MILR1: variants seen among roughly 807,000 people sequenced by gnomAD.
MILR1 encodes mast cell immunoglobulin like receptor 1, also known as allergin-1.
A neutral mutation model predicts 18.5 loss-of-function variants in MILR1; 31 were observed. The observed-to-expected ratio is 1.68, with a 90% CI of 1.26 to 2.26. The LOEUF (loss-of-function observed/expected upper bound fraction) is 2.26. Ranked by LOEUF, MILR1 falls within the 30% of genes most tolerant of loss-of-function variation. The pLI, the probability that MILR1 is intolerant of heterozygous loss-of-function variation, is 0.00. For missense variants in MILR1, 257 were observed against 157.4 expected (o/e 1.63, Z -3.38); for synonymous variants, 85 against 56.2 (o/e 1.51, Z -2.30).
At chr17:64,472,631 T>A (rs1555664818), downstream of MILR1, among the ~76,000 whole-genome samples, 1 of 152,076 alleles carries the variant, frequency 6.6e-6, no homozygotes, top group African/African-American at 2.4e-5. Context: ...TTAGACACAT[T>A]TAGATACACA....
chr17:64,460,860 C>A lies in MILR1; in HGVS notation c.691C>A (p.Pro231Thr). ...SCPFCLKLLLPGLLLLLVVII... is the reference protein window; with the variant it reads ...SCPFCLKLLLTGLLLLLVVII... ...TCCTTTCTGTCTGAAGCTACTACTT[C>A]CAGGGTTATTACTGTTGCTGGTGGT... is the stretch of plus-strand genomic sequence containing the variant. The change falls in exon 5 of 10, where the codon CCA (proline) becomes ACA (threonine). Residue 231 changes from proline (P) to threonine (T), a missense_variant. By Grantham distance (38) the Pro-to-Thr change is conservative (BLOSUM62 -1). Transcript: ENST00000619286. The A allele has an allele frequency of 2.1e-6, 1 of 475,276 alleles. No individual in the cohort carries two copies. Among genetic ancestry groups the A allele is most frequent in the South Asian group, 6.7e-5 (1 of 14,872 alleles). The allele number at this position is 475,276 out of a possible 1,614,324, so 29.4% of individuals were successfully genotyped here.
At chr17:64,496,524 A>C in the MILR1 span, 1 of 1,613,734 alleles carries the variant, frequency 6.2e-7, no homozygotes, top group Non-Finnish European at 8.5e-7. Flanking sequence ...GTTTCTGCAG[A>C]AACTAACCTG....
intron 4 of MILR1, among the ~76,000 whole-genome samples, chr17:64,459,983 TTTA>T (rs1487592388): frequency 2.2e-5 from 3 of 136,172 alleles, no homozygotes; most frequent in African/African-American, 8.2e-5. Context: ...TTATTTTTAT[TTTA>T]TTTTATTTTA....
the MILR1 span, among the ~76,000 whole-genome samples, chr17:64,483,721 CTTTTTTT>C: frequency 2.2e-5 from 3 of 137,296 alleles, no homozygotes; most frequent in Non-Finnish European, 4.8e-5. Flanking sequence ...ATGAAATTTG[CTTTTTTT>C]TTTTTTTTAA....
In MILR1 at chr17:64,452,622, A is replaced by G. The variant is rs1339106584; in HGVS notation, c.123A>G (p.Ser41=). ...AATTCCCTTCTCCATGTTTGGACTC[A>G]AAGACTAAGGTGGTTATGAAGGGTC... ...TNEFPSPCLD[S]KTKVVMKGQN... Residue 41 remains serine (S), a synonymous_variant, in exon 3 of 10, where the codon TCA becomes TCG. Coordinates refer to ENST00000619286, the MANE Select transcript of MILR1 (RefSeq NM_001085423.2). 2.3e-6 allele frequency: 1 copy of G among 426,736 alleles called. No individual in the cohort carries two copies. Among genetic ancestry groups the G allele is most frequent in the Non-Finnish European group, 4.3e-6 (1 of 233,178 alleles). 26.4% of individuals were successfully genotyped at this position (426,736 alleles called of 1,614,324 possible).
At chr17:64,495,215 G>GGT in the MILR1 span, among the ~76,000 whole-genome samples, 1 of 150,566 alleles carries the variant, frequency 6.6e-6, no homozygotes. Flanking sequence ...CTGGGCACTA[G>GGT]GTGTGCTCAT....
chr17:64,494,739 G>A, the MILR1 span, among the ~76,000 whole-genome samples: 47 of 152,120 alleles, frequency 3.1e-4, no homozygotes, highest in Admixed American at 1.8e-3. Flanking sequence ...GCCAGCATCT[G>A]TGACCTTTTT....
the MILR1 span, among the ~76,000 whole-genome samples, chr17:64,492,453 A>G: frequency 6.6e-6 from 1 of 152,260 alleles, no homozygotes; most frequent in African/African-American, 2.4e-5. Flanking sequence ...AGAAAGGCTA[A>G]TTAACAAACA....
the MILR1 span, among the ~76,000 whole-genome samples, chr17:64,494,895 C>A: frequency 8.9e-4 from 135 of 152,262 alleles, no homozygotes; most frequent in Middle Eastern, 6.8e-3. Flanking sequence ...ATCTGGAGGC[C>A]GGGCGCAGTG....
At chr17:64,471,837 C>A (rs183267847), downstream of MILR1, among the ~76,000 whole-genome samples, 1 of 152,108 alleles carries the variant, frequency 6.6e-6, no homozygotes, top group African/African-American at 2.4e-5. Context: ...AACGGAAAGT[C>A]CAGATGTAGT....
At chr17:64,491,771 G>A in the MILR1 span, 2 of 642,588 alleles carry the variant, frequency 3.1e-6, no homozygotes, top group South Asian at 2.9e-5. Context: ...AGCACGAGCG[G>A]CTATGCAAGT....
rs11654311 is a variant in MILR1, at chr17:64,467,896, C to T, written c.*28+251C>T. On this transcript the variant is annotated intron_variant, in intron 9 of 9. Coordinates refer to ENST00000619286, the MANE Select transcript of MILR1 (RefSeq NM_001085423.2). ...GTTGCAGTGAGCCAAGATCGTGCCA[C>T]TGCACTACAGCCTGGGCGACAAGAG... 33 of 298,450 alleles carry T rather than the reference C, an allele frequency of 1.1e-4. 1 individual carries two copies. Among genetic ancestry groups the T allele is most frequent in the South Asian group, 9.4e-4 (32 of 34,158 alleles). The allele number at this position is 298,450 out of a possible 1,614,324, so 18.5% of individuals were successfully genotyped here.
the MILR1 span, among the ~76,000 whole-genome samples, chr17:64,495,133 G>C: frequency 7.1e-6 from 1 of 141,514 alleles, no homozygotes; most frequent in Non-Finnish European, 1.5e-5. Flanking sequence ...AGCCGAGATT[G>C]TGCCACTGCA....
chr17:64,483,438 C>T, the MILR1 span, among the ~76,000 whole-genome samples: 1 of 150,988 alleles, frequency 6.6e-6, no homozygotes, highest in Non-Finnish European at 1.5e-5. Flanking sequence ...ATGCTTGACC[C>T]GGGAGGTCAA....
the MILR1 span, chr17:64,485,896 T>G: frequency 6.2e-7 from 1 of 1,612,682 alleles, no homozygotes; most frequent in Non-Finnish European, 8.5e-7. Flanking sequence ...AGAAAAATAA[T>G]CATTTCACAG....
chr17:64,470,918 G>A (rs931333327), downstream of MILR1, among the ~76,000 whole-genome samples: 8 of 152,152 alleles, frequency 5.3e-5, no homozygotes, highest in Non-Finnish European at 7.3e-5. Context: ...GAATGCTGGC[G>A]TCCACTAGTG....
chr17:64,491,858 G>A, the MILR1 span: 11 of 302,156 alleles, frequency 3.6e-5, no homozygotes, highest in Admixed American at 3.5e-4. Context: ...ACACAATCTC[G>A]ATTGTTGCTG....
At chr17:64,469,296 T>C (rs2037650394), downstream of MILR1, among the ~76,000 whole-genome samples, 3 of 152,208 alleles carry the variant, frequency 2.0e-5, no homozygotes, top group Non-Finnish European at 4.4e-5. Context: ...GGATCCTGTA[T>C]TGGACCACTC....
chr17:64,464,759 C>T (rs1292789408), intron 5 of MILR1, among the ~76,000 whole-genome samples: 2 of 152,154 alleles, frequency 1.3e-5, no homozygotes, highest in Non-Finnish European at 2.9e-5. Context: ...CCCGCCTCTA[C>T]TAAAAATACA....
Sources: gnomAD v4.1 joint callset for allele counts (sites outside exome capture counted in the v4.1 genomes callset) on GRCh38, gnomAD v4.1.1 for gene constraint, MANE v1.5 for transcripts, NCBI Gene and HGNC (gene_info 2026-07-23, HGNC 2026-07-21) for gene names.